Variants in MTMR7 observed in about 807,000 individuals in gnomAD.
The protein encoded by MTMR7 is phosphatidylinositol-3-phosphate phosphatase MTMR7.
Under a neutral mutation model 81.2 loss-of-function variants are expected in MTMR7, and 76 were observed. The ratio of observed to expected loss-of-function variants is 0.94; its 90% CI spans 0.78 to 1.13. The LOEUF (loss-of-function observed/expected upper bound fraction) is 1.13, where lower values mean the gene tolerates loss of function less well. MTMR7 is among the 50% of genes most tolerant of loss of function. MTMR7 has a pLI of 0.00. For synonymous variants in MTMR7, 372 were observed against 289.8 expected, an observed-to-expected ratio of 1.28 and a Z score of -2.88; for missense variants, 1,044 against 820.0, an observed-to-expected ratio of 1.27 and a Z score of -3.34.
intron 4 of MTMR7, among the ~76,000 whole-genome samples, chr8:17,353,005 G>A (rs537876962): frequency 3.3e-4 from 50 of 152,246 alleles, no homozygotes; most frequent in Middle Eastern, 6.8e-3. Context: ...AACCATATCC[G>A]CAGAGCATTA....
Position 17,371,141 on chromosome 8 carries a change from G to C in MTMR7, c.206C>G (p.Pro69Arg), listed in dbSNP as rs560344824. 4.3e-6 allele frequency: 7 copies of C among 1,614,112 alleles called. No homozygotes were observed. The highest frequency in any genetic ancestry group is 1.6e-4 in the Middle Eastern group (1 of 6,082). Reference protein sequence around the residue: ...EKQATTATGCPLLIRCKNFQI... With the variant: ...EKQATTATGCRLLIRCKNFQI... ...AAAGTTCTTGCAGCGAATCAGCAGA[G>C]GGCATCCGGTAGCGGTTGTTGCCTG... The change falls in exon 3 of 14, where the codon CCT becomes CGT. Residue 69 changes from proline to arginine, a missense_variant. Coordinates refer to ENST00000180173, the MANE Select transcript of MTMR7 (RefSeq NM_004686.5).
At chr8:17,368,437 T>A (rs1218526314) in intron 3 of MTMR7, among the ~76,000 whole-genome samples, 4 of 152,186 alleles carry the variant, frequency 2.6e-5, no homozygotes, top group Non-Finnish European at 5.9e-5. Context: ...AGCTACATTT[T>A]ACTACTAGAA....
chr8:17,322,259 A>T (rs1036239152), intron 7 of MTMR7, among the ~76,000 whole-genome samples: 2 of 152,248 alleles, frequency 1.3e-5, no homozygotes, highest in African/African-American at 4.8e-5. Flanking sequence ...AGCCATTCAA[A>T]GAGGACTTTA....
intron 7 of MTMR7, among the ~76,000 whole-genome samples, chr8:17,314,656 G>A (rs1248075807): frequency 6.6e-6 from 1 of 152,182 alleles, no homozygotes. Flanking sequence ...AGTCATAGAT[G>A]ACAACAGTGT....
chr8:17,408,287 G>A (rs1045360670), intron 1 of MTMR7, among the ~76,000 whole-genome samples: 2 of 113,694 alleles, frequency 1.8e-5, no homozygotes, highest in African/African-American at 5.2e-5. Flanking sequence ...TACTTGGGAG[G>A]CTGAGGCAGG....
chr8:17,354,631 T>C (rs1383784065), intron 4 of MTMR7, among the ~76,000 whole-genome samples: 2 of 152,272 alleles, frequency 1.3e-5, no homozygotes, highest in African/African-American at 4.8e-5. Flanking sequence ...CCATCGACAA[T>C]TGTTTCTTTT....
chr8:17,390,892 C>T (rs1316772620), intron 1 of MTMR7, among the ~76,000 whole-genome samples: 1 of 152,318 alleles, frequency 6.6e-6, no homozygotes, highest in Middle Eastern at 3.4e-3. Flanking sequence ...TCCCCCAACA[C>T]GTGGGGATTA....
chr8:17,313,099 C>T (rs908701216), intron 8 of MTMR7, among the ~76,000 whole-genome samples, 193 bp downstream of exon 8: 2 of 152,222 alleles, frequency 1.3e-5, no homozygotes, highest in African/African-American at 4.8e-5. Context: ...AGTGCTGACA[C>T]ACTATCAGCT....
intron 3 of MTMR7, among the ~76,000 whole-genome samples, chr8:17,363,992 A>G (rs1323865126): frequency 1.6e-5 from 2 of 124,446 alleles, no homozygotes; most frequent in Non-Finnish European, 3.4e-5. Context: ...ACAGTTTCAT[A>G]TATTTCTGGG....
At chr8:17,306,953 C>T (rs1817493566) in intron 10 of MTMR7, among the ~76,000 whole-genome samples, 1 of 152,126 alleles carries the variant, frequency 6.6e-6, no homozygotes, top group Non-Finnish European at 1.5e-5. Context: ...AAAACCTAGG[C>T]AATACCATTC....
chr8:17,354,490 G>T (rs756507167), intron 4 of MTMR7, among the ~76,000 whole-genome samples: 1 of 152,214 alleles, frequency 6.6e-6, no homozygotes, highest in Non-Finnish European at 1.5e-5. Flanking sequence ...CCATAAGCAA[G>T]TGTCTTATAA....
intron 4 of MTMR7, among the ~76,000 whole-genome samples, chr8:17,358,571 CAG>C (rs1452623543): frequency 6.6e-6 from 1 of 151,956 alleles, no homozygotes; most frequent in African/African-American, 2.4e-5. Flanking sequence ...CACATTTTTC[CAG>C]ACTCAAAATA....
rs2150566541 is a variant in MTMR7 at position 17,373,202 on chromosome 8, T to C, written c.63A>G (p.Lys21=). The C allele has an allele frequency of 6.2e-7, 1 of 1,613,746 alleles. No homozygotes were observed. Among genetic ancestry groups the C allele is most frequent in the Non-Finnish European group, 8.5e-7 (1 of 1,179,822 alleles). ...AATACAAAGTACCTAGAGCTGCTTT[T>C]TTAGGAGACACTCGATCTACCAAGC... ...NVRLVDRVSP[K]KAALGTLYLT... Residue 21 remains lysine, a synonymous_variant, in exon 2 of 14, where the codon AAA becomes AAG. Coordinates refer to ENST00000180173, the MANE Select transcript of MTMR7 (RefSeq NM_004686.5).
chr8:17,303,101 T>C (rs1817234806), intron 12 of MTMR7, among the ~76,000 whole-genome samples: 1 of 152,144 alleles, frequency 6.6e-6, no homozygotes, highest in Non-Finnish European at 1.5e-5. Flanking sequence ...GAACCACTAT[T>C]TTATTTATGT....
intron 6 of MTMR7, among the ~76,000 whole-genome samples, chr8:17,336,264 G>A (rs2150536921): frequency 6.6e-6 from 1 of 152,234 alleles, no homozygotes; most frequent in East Asian, 1.9e-4. Flanking sequence ...ACACCCGGCG[G>A]CTGAGCCCTT....
chr8:17,354,283 T>C (rs1819820874), intron 4 of MTMR7, among the ~76,000 whole-genome samples: 1 of 152,218 alleles, frequency 6.6e-6, no homozygotes, highest in South Asian at 2.1e-4. Context: ...TAATGCATGA[T>C]ACATAAAATA....
chr8:17,409,711 G>C (rs952479683), intron 1 of MTMR7, among the ~76,000 whole-genome samples: 2 of 152,154 alleles, frequency 1.3e-5, no homozygotes, highest in Admixed American at 1.3e-4. Context: ...AAAACACAAG[G>C]TGTTATGATA....
chr8:17,390,061 CAG>C (rs1303873270), intron 1 of MTMR7, among the ~76,000 whole-genome samples: 1 of 115,508 alleles, frequency 8.7e-6, no homozygotes, highest in Non-Finnish European at 1.8e-5. Context: ...AGCATGGAAA[CAG>C]GGAATATGTT....
intron 3 of MTMR7, 142 bp downstream of exon 3, chr8:17,370,895 T>C: frequency 1.4e-6 from 1 of 718,396 alleles, no homozygotes; most frequent in Non-Finnish European, 2.1e-6. Flanking sequence ...AGATGATCAT[T>C]CGGGCTTATC....
Sources: gnomAD v4.1 joint callset for allele counts (sites outside exome capture counted in the v4.1 genomes callset) on GRCh38, gnomAD v4.1.1 for gene constraint, MANE v1.5 for transcripts, NCBI Gene and HGNC (gene_info 2026-07-23, HGNC 2026-07-21) for gene names.